Variants in LHX8 observed in about 807,000 individuals in gnomAD.
LHX8 encodes the protein LIM/homeobox protein Lhx8.
In LHX8, 12 loss-of-function variants were observed where a neutral mutation model predicts 40.3. The observed-to-expected ratio is 0.30, with a 90% CI of 0.19 to 0.48. LHX8 has a LOEUF of 0.48. Ranked by LOEUF, LHX8 falls within the 20% of genes least tolerant of loss-of-function variation. LHX8 has a pLI of 0.99. For missense variants in LHX8, 344 were observed against 433.7 expected (o/e 0.79, Z 1.84); for synonymous variants, 179 against 162.0 (o/e 1.10, Z -0.80).
chr1:75,144,047 A>C (rs1416812711), intron 6 of LHX8, 99 bp downstream of exon 6: 2 of 891,104 alleles, frequency 2.2e-6, no homozygotes, highest in East Asian at 5.2e-5. Flanking sequence ...ATGTTTTCTA[A>C]AAAATTAGCC....
At chr1:75,156,735 T>C (rs1648778210) in intron 7 of LHX8, among the ~76,000 whole-genome samples, 158 bp from the exon 8 acceptor site, 1 of 152,240 alleles carries the variant, frequency 6.6e-6, no homozygotes, top group Non-Finnish European at 1.5e-5. Context: ...AAAATGTTTC[T>C]TTTCTGTCTA....
At chr1:75,163,018 C>CTTTT (rs11379344), downstream of LHX8, among the ~76,000 whole-genome samples, 1 of 143,742 alleles carries the variant, frequency 7.0e-6, no homozygotes, top group African/African-American at 2.5e-5. Flanking sequence ...GGTAGGATAC[C>CTTTT]TTTTTTTTTT....
At chr1:75,173,307 G>A in the LHX8 span, among the ~76,000 whole-genome samples, 1 of 151,000 alleles carries the variant, frequency 6.6e-6, no homozygotes, top group Admixed American at 6.6e-5. Context: ...TTGAGCACAG[G>A]TCACAAAGCT....
chr1:75,179,506 T>G, the LHX8 span, among the ~76,000 whole-genome samples: 846 of 146,560 alleles, frequency 5.8e-3, 9 homozygotes, highest in African/African-American at 0.02. Flanking sequence ...CCTGTTGTTT[T>G]TTTTTTTTTT....
chr1:75,154,527 A>G (rs1426843424), intron 7 of LHX8, among the ~76,000 whole-genome samples: 19 of 152,130 alleles, frequency 1.2e-4, no homozygotes, highest in African/African-American at 3.9e-4. Context: ...GTTTTAGGTT[A>G]TATGTAGTCC....
At chr1:75,196,090 C>A in the LHX8 span, among the ~76,000 whole-genome samples, 1 of 152,132 alleles carries the variant, frequency 6.6e-6, no homozygotes, top group African/African-American at 2.4e-5. Flanking sequence ...ACTTTTAAAT[C>A]TTCCACACTG....
At chr1:75,177,169 T>C in the LHX8 span, among the ~76,000 whole-genome samples, 1 of 152,154 alleles carries the variant, frequency 6.6e-6, no homozygotes, top group Admixed American at 6.5e-5. Flanking sequence ...TCTTTTTTGG[T>C]TCCATATGAA....
the LHX8 span, among the ~76,000 whole-genome samples, chr1:75,169,031 C>T: frequency 1.3e-5 from 2 of 152,098 alleles, no homozygotes; most frequent in East Asian, 1.9e-4. Flanking sequence ...TCTGTTGAAA[C>T]CCCCCCTGTG....
At chr1:75,144,168 G>A (rs1302832323) in intron 6 of LHX8, among the ~76,000 whole-genome samples, 1 of 152,048 alleles carries the variant, frequency 6.6e-6, no homozygotes, top group Admixed American at 6.6e-5. Flanking sequence ...TTCAAGTTTT[G>A]TTTCCCTGGG....
rs1648148835 is a variant in LHX8, at chr1:75,136,703, G to A, written c.75+14G>A. ...GAAGAGGGACTGGTGAGTGCGGAGG[G>A]GCTCGCGTGCTGGCAAGACTGGCCG... On this transcript the variant is annotated intron_variant, in intron 2 of 8. Transcript: ENST00000356261. 2 of 1,539,572 alleles carry A rather than the reference G, an allele frequency of 1.3e-6. No individual in the cohort carries two copies. The highest frequency in any genetic ancestry group is 2.5e-5 in the East Asian group (1 of 40,806).
chr1:75,140,919 A>G (rs1322847148), intron 3 of LHX8, 66 bp from the exon 4 acceptor site: 2 of 1,550,480 alleles, frequency 1.3e-6, no homozygotes, highest in African/African-American at 1.4e-5. Context: ...TAAATTGCCC[A>G]ATACACAAAA....
At chr1:75,189,102 C>A in the LHX8 span, among the ~76,000 whole-genome samples, 2 of 152,198 alleles carry the variant, frequency 1.3e-5, no homozygotes, top group Non-Finnish European at 2.9e-5. Flanking sequence ...GAGATGGTAT[C>A]AGATAGCATT....
chr1:75,140,846 A>G, intron 3 of LHX8, 139 bp from the exon 4 acceptor site: 1 of 851,354 alleles, frequency 1.2e-6, no homozygotes, highest in South Asian at 1.5e-5. Context: ...TCTTAAAAAA[A>G]AATGACATCT....
the LHX8 span, among the ~76,000 whole-genome samples, chr1:75,193,026 T>C: frequency 1.3e-5 from 2 of 152,228 alleles, no homozygotes; most frequent in African/African-American, 4.8e-5. Flanking sequence ...TTTGAATGTC[T>C]GTTGCAGAGA....
At chr1:75,193,132 C>G in the LHX8 span, among the ~76,000 whole-genome samples, 1 of 152,196 alleles carries the variant, frequency 6.6e-6, no homozygotes, top group Non-Finnish European at 1.5e-5. Flanking sequence ...TCCTTCATCT[C>G]TCTATGTGAA....
chr1:75,143,466 A>G (rs1648375474), intron 5 of LHX8, 128 bp downstream of exon 5: 10 of 669,190 alleles, frequency 1.5e-5, no homozygotes, highest in Non-Finnish European at 2.5e-5. Context: ...CTCATTAAGT[A>G]CTCTACTGTT....
chr1:75,193,381 A>C, the LHX8 span, among the ~76,000 whole-genome samples: 1 of 152,194 alleles, frequency 6.6e-6, no homozygotes, highest in African/African-American at 2.4e-5. Flanking sequence ...CTTAATGTGC[A>C]GCAGAATCAC....
the LHX8 span, among the ~76,000 whole-genome samples, chr1:75,172,293 G>T: frequency 6.6e-6 from 1 of 152,214 alleles, no homozygotes; most frequent in African/African-American, 2.4e-5. Context: ...ATACAATTTA[G>T]GAATTATTTT....
At chr1:75,130,564 C>A, upstream of LHX8, 1 of 783,190 alleles carries the variant, frequency 1.3e-6, no homozygotes, top group Admixed American at 1.7e-5. Context: ...CAGACGGAGG[C>A]CCTCGCCCGC....
Sources: allele counts gnomAD v4.1 joint callset (sites outside exome capture counted in the v4.1 genomes callset), GRCh38; gene constraint gnomAD v4.1.1; transcripts MANE v1.5; gene names NCBI Gene and HGNC (gene_info 2026-07-23, HGNC 2026-07-21).